The following DGKB variants were observed in gnomAD, a reference collection of about 807,000 sequenced individuals.
DGKB encodes the protein diacylglycerol kinase beta.
Under a neutral mutation model 114.3 loss-of-function variants are expected in DGKB, and 67 were observed. That is an observed-to-expected ratio of 0.59 (90% CI 0.48 to 0.72). The LOEUF is 0.72. Ranked by LOEUF, DGKB falls within the 30% of genes least tolerant of loss-of-function variation. DGKB has a pLI of 0.00. For synonymous variants in DGKB, 398 were observed against 323.1 expected (o/e 1.23, Z -2.49); for missense variants, 907 against 975.2 (o/e 0.93, Z 0.93).
At chr7:14,482,973 T>C (rs1783206899) in intron 20 of DGKB, among the ~76,000 whole-genome samples, 1 of 152,148 alleles carries the variant, frequency 6.6e-6, no homozygotes, top group South Asian at 2.1e-4. Context: ...ATGGGAATTA[T>C]TTGTTCTTTA....
At chr7:14,531,681 C>T (rs752312420) in intron 20 of DGKB, among the ~76,000 whole-genome samples, 1 of 150,246 alleles carries the variant, frequency 6.7e-6, no homozygotes, top group Non-Finnish European at 1.5e-5. Flanking sequence ...TTTGAGAAAT[C>T]AACAAGATGA....
chr7:14,655,558 T>C (rs536595089), intron 13 of DGKB, among the ~76,000 whole-genome samples: 20 of 151,746 alleles, frequency 1.3e-4, no homozygotes, highest in South Asian at 1.0e-3. Context: ...GAAAGGAAAC[T>C]TGTGTATCAA....
rs764165704 is a variant in DGKB at position 14,566,581 on chromosome 7, C to A, written c.1770+7631G>T. On this transcript the variant is annotated intron_variant, in intron 20 of 25. Coordinates refer to ENST00000402815, the MANE Select transcript of DGKB (RefSeq NM_001350709.2). ...TGCAAATGGATCGGGTTACCTCATTCCCTAATGATAATTATTTAATTATTC... is the reference window on the plus strand; with the variant it reads ...TGCAAATGGATCGGGTTACCTCATTACCTAATGATAATTATTTAATTATTC... 1.8e-4 allele frequency among the ~76,000 whole-genome samples: 28 copies of A among 152,222 alleles called. No homozygotes were observed. The East Asian group carries it at 5.0e-3, about 27-fold the overall frequency.
chr7:14,896,409 G>A lies in DGKB; in HGVS notation c.-188+6183C>T, dbSNP rs927714167. On this transcript the variant is annotated intron_variant, in intron 1 of 25. Coordinates refer to ENST00000402815, the MANE Select transcript of DGKB (RefSeq NM_001350709.2). The stretch of plus-strand genomic sequence containing the variant: ...TTAATAAGAATATTTGGGGCACAAC[G>A]GTAAGTAATGAAATCTTACAAAGTG... 4.0e-5 allele frequency among the ~76,000 whole-genome samples: 6 copies of A among 151,236 alleles called. No homozygotes were observed. In the South Asian group the frequency reaches 8.4e-4, roughly 21 times the overall value.
At chr7:14,629,154 C>G (rs528251915) in intron 14 of DGKB, among the ~76,000 whole-genome samples, 109 of 152,096 alleles carry the variant, frequency 7.2e-4, no homozygotes, top group African/African-American at 2.5e-3. Flanking sequence ...AATTCTCTCA[C>G]ACTTAAATAA....
chr7:14,944,849 T>C (rs73058999), intron 1 of DGKB, among the ~76,000 whole-genome samples: 19,400 of 151,800 alleles, frequency 0.13, 1,374 homozygotes, highest in Admixed American at 0.19. Flanking sequence ...TTTTATTTGG[T>C]TTGTATATAC....
At chr7:14,261,873 G>A (rs1796827607) in intron 23 of DGKB, among the ~76,000 whole-genome samples, 1 of 152,048 alleles carries the variant, frequency 6.6e-6, no homozygotes, top group Admixed American at 6.6e-5. Context: ...AAAGCAATTG[G>A]CATTAAATGT....
At chr7:14,362,199 A>T (rs1221452028) in intron 21 of DGKB, among the ~76,000 whole-genome samples, 1 of 152,092 alleles carries the variant, frequency 6.6e-6, no homozygotes, top group African/African-American at 2.4e-5. Context: ...CATAAAATAA[A>T]TCATAAAGAC....
chr7:14,264,981 T>C (rs1161792082), intron 23 of DGKB, among the ~76,000 whole-genome samples: 1 of 152,166 alleles, frequency 6.6e-6, no homozygotes, highest in African/African-American at 2.4e-5. Context: ...ATAAAAAATA[T>C]ATGGCATTTG....
At chr7:14,571,702 A>G (rs866681210) in intron 20 of DGKB, among the ~76,000 whole-genome samples, 1 of 152,240 alleles carries the variant, frequency 6.6e-6, no homozygotes, top group Admixed American at 6.5e-5. Flanking sequence ...GCCAGATTAT[A>G]TTAAAAGCCG....
At position 14,696,275 on chromosome 7, in the gene DGKB, G is replaced by T. The variant is rs191274986; in HGVS notation, c.591+1820C>A. Among the ~76,000 whole-genome samples the T allele has an allele frequency of 7.1e-3, 1,072 of 151,238 alleles. 10 individuals are homozygous for T. Among genetic ancestry groups the T allele is most frequent in the African/African-American group, 0.023 (966 of 41,230 alleles). ...TTGGGAGGCCGAGGCGGGTGGATCA[G>T]GAGGTCAGGAGATCGAGACCATCCT... On this transcript the variant is annotated intron_variant, in intron 8 of 25. Coordinates refer to ENST00000402815, the MANE Select transcript of DGKB (RefSeq NM_001350709.2).
At chr7:14,298,340 A>G (rs999453592) in intron 23 of DGKB, among the ~76,000 whole-genome samples, 1 of 152,204 alleles carries the variant, frequency 6.6e-6, no homozygotes, top group Non-Finnish European at 1.5e-5. Flanking sequence ...ACAGCATGGT[A>G]CTGGTACCAA....
chr7:14,702,298 T>C (rs151106714), intron 6 of DGKB, among the ~76,000 whole-genome samples: 2 of 152,200 alleles, frequency 1.3e-5, no homozygotes, highest in East Asian at 1.9e-4. Flanking sequence ...ATTGTTAGGA[T>C]TGATCCCCAA....
intron 23 of DGKB, among the ~76,000 whole-genome samples, chr7:14,222,864 T>C (rs912590043): frequency 3.2e-4 from 48 of 151,646 alleles, no homozygotes; most frequent in African/African-American, 8.5e-4. Context: ...AATTCTTATA[T>C]CCTACTGAAG....
intron 20 of DGKB, among the ~76,000 whole-genome samples, chr7:14,538,754 G>C (rs1792946205): frequency 6.6e-6 from 1 of 152,132 alleles, no homozygotes; most frequent in Non-Finnish European, 1.5e-5. Context: ...CAGATGAATG[G>C]ATAAAGAAAA....
intron 23 of DGKB, among the ~76,000 whole-genome samples, chr7:14,186,573 G>T (rs1783476384): frequency 6.6e-6 from 1 of 152,212 alleles, no homozygotes; most frequent in Non-Finnish European, 1.5e-5. Flanking sequence ...GCACATGCAT[G>T]TTTATAGCAG....
At position 14,148,526 on chromosome 7, in the gene DGKB, A is replaced by C. The variant is rs1316274483; in HGVS notation, c.*605T>G. On this transcript the variant is annotated 3_prime_UTR_variant, in exon 26 of 26. Coordinates refer to ENST00000402815, the MANE Select transcript of DGKB (RefSeq NM_001350709.2). ...TAAAAACCGCGTTCTATTTTTCAGC[A>C]TGAGAAAACCTTATGCCTGATATTT... is the stretch of plus-strand genomic sequence containing the variant. 3 of 152,550 alleles carry C rather than the reference A, an allele frequency of 2.0e-5. No individual in the cohort carries two copies. 9.4% of individuals were successfully genotyped at this position (152,550 alleles called of 1,614,324 possible). A position where few individuals can be genotyped will look rare whatever the true frequency, so the allele number is the denominator to read the frequency against.
intron 2 of DGKB, among the ~76,000 whole-genome samples, chr7:14,779,733 A>C (rs17168423): frequency 0.021 from 3,265 of 152,296 alleles, 119 homozygotes; most frequent in African/African-American, 0.075. Flanking sequence ...AGAAATATAC[A>C]TCCAACATAC....
chr7:14,774,783 T>C (rs1212769879), intron 2 of DGKB, among the ~76,000 whole-genome samples: 1 of 152,174 alleles, frequency 6.6e-6, no homozygotes, highest in Non-Finnish European at 1.5e-5. Context: ...TGTGTTATTG[T>C]TTTAGAATTC....
Sources: allele counts gnomAD v4.1 joint callset (sites outside exome capture counted in the v4.1 genomes callset), GRCh38; gene constraint gnomAD v4.1.1; transcripts MANE v1.5; gene names NCBI Gene and HGNC (gene_info 2026-07-23, HGNC 2026-07-21).